CORO7: variants seen among roughly 807,000 people sequenced by gnomAD.
CORO7 encodes the protein coronin-7.
In CORO7, 107 loss-of-function variants were observed where a neutral mutation model predicts 126.6. The observed-to-expected ratio is 0.85, with a 90% CI of 0.72 to 0.99. The LOEUF is 0.99. CORO7 is among the 50% of genes least tolerant of loss of function. The pLI, the probability that CORO7 is intolerant of heterozygous loss-of-function variation, is 0.00. For missense variants in CORO7, 1,314 were observed against 1,255.8 expected, an observed-to-expected ratio of 1.05 and a Z score of -0.70; for synonymous variants, 603 against 536.8, an observed-to-expected ratio of 1.12 and a Z score of -1.70.
intron 27 of CORO7, 57 bp downstream of exon 27, chr16:4,355,229 G>T: frequency 6.2e-7 from 1 of 1,604,304 alleles, no homozygotes; most frequent in South Asian, 1.1e-5. Context: ...GGCATGCACC[G>T]TGGCATGTGC....
At chr16:4,359,432 T>TC (rs762215165) in intron 22 of CORO7, 47 bp from the exon 23 acceptor site, 2 of 1,612,988 alleles carry the variant, frequency 1.2e-6, no homozygotes, top group Non-Finnish European at 1.7e-6. Flanking sequence ...ACACTGGCCT[T>TC]CCCCCCACCA....
chr16:4,413,443 G>A (rs1350975854), intron 1 of CORO7, 39 bp from the exon 2 acceptor site: 5 of 1,543,456 alleles, frequency 3.2e-6, no homozygotes, highest in Non-Finnish European at 3.5e-6. Context: ...GTGAGAGCCA[G>A]GGTTCCACCT....
chr16:4,407,234 C>G (rs1469561445), intron 5 of CORO7, among the ~76,000 whole-genome samples: 1 of 151,086 alleles, frequency 6.6e-6, no homozygotes, highest in Non-Finnish European at 1.5e-5. Flanking sequence ...AGGCATGAGC[C>G]ACCGCGCCCG....
intron 7 of CORO7, among the ~76,000 whole-genome samples, chr16:4,393,436 G>A (rs1280361295): frequency 6.6e-6 from 1 of 152,228 alleles, no homozygotes; most frequent in African/African-American, 2.4e-5. Flanking sequence ...CGACCAGGGT[G>A]TGGCCAAAAC....
At chr16:4,365,649 G>A (rs868740594) in intron 9 of CORO7, 104 bp from the exon 10 acceptor site, 47 of 1,452,562 alleles carry the variant, frequency 3.2e-5, no homozygotes, top group Middle Eastern at 2.3e-4. Flanking sequence ...ACTGGGAGCC[G>A]CTTGGCCATC....
intron 16 of CORO7, 45 bp downstream of exon 16, chr16:4,361,940 C>T (rs760816495): frequency 6.4e-6 from 10 of 1,565,296 alleles, no homozygotes; most frequent in Admixed American, 5.7e-5. Flanking sequence ...GTCTTTGCCA[C>T]AGGCAGGGAA....
chr16:4,361,009 G>A lies in CORO7; in HGVS notation c.1851C>T (p.Leu617=). 1 of 1,613,250 alleles carries A rather than the reference G, an allele frequency of 6.2e-7. No homozygotes were observed. Among genetic ancestry groups the A allele is most frequent in the African/African-American group, 1.3e-5 (1 of 75,052 alleles). ...ANVLASSSYD[L]TVRIWDLQAG... is the part of the protein sequence containing the mutation. ...CCTGAAGGTCCCAGATGCGAACAGTGAGGTCATAGGAGGACGAGGCCAGCA... is the reference window on the plus strand; with the variant it reads ...CCTGAAGGTCCCAGATGCGAACAGTAAGGTCATAGGAGGACGAGGCCAGCA... The change falls in exon 19 of 28, where the codon CTC becomes CTT. Residue 617 remains leucine, a synonymous_variant. Coordinates refer to ENST00000251166, the MANE Select transcript of CORO7 (RefSeq NM_024535.5).
intron 6 of CORO7, 110 bp from the exon 7 acceptor site, chr16:4,395,449 G>T: frequency 7.0e-7 from 1 of 1,421,340 alleles, no homozygotes; most frequent in Non-Finnish European, 9.7e-7. Context: ...CCCATCCCCA[G>T]CACGCAGGGC....
At chr16:4,383,585 C>T (rs1162336738) in intron 9 of CORO7, 2 of 136,072 alleles carry the variant, frequency 1.5e-5, no homozygotes, top group Non-Finnish European at 3.5e-5. Flanking sequence ...GAAGGAGTGG[C>T]CCTCGCTCTG....
chr16:4,378,522 C>T (rs951054804), intron 9 of CORO7, among the ~76,000 whole-genome samples: 2 of 152,178 alleles, frequency 1.3e-5, no homozygotes, highest in Non-Finnish European at 2.9e-5. Flanking sequence ...GGCCAGGCCG[C>T]ACCCGCCGTC....
intron 9 of CORO7, chr16:4,382,939 C>T: frequency 6.9e-7 from 1 of 1,456,020 alleles, no homozygotes; most frequent in Non-Finnish European, 9.1e-7. Context: ...GGCTCTCAGC[C>T]AGTGAGATGG....
chr16:4,382,894 A>G (rs1411696341), intron 9 of CORO7: 4 of 1,516,750 alleles, frequency 2.6e-6, no homozygotes, highest in Non-Finnish European at 2.6e-6. Context: ...AAAGCCCTAC[A>G]TCTAAGCCAG....
At position 4,383,801 on chromosome 16, in the gene CORO7, G is replaced by A. The variant is rs1055768252; in HGVS notation, c.785+4185C>T. Among the ~76,000 whole-genome samples the A allele has an allele frequency of 5.3e-5, 8 of 152,362 alleles. No homozygotes were observed. In the South Asian group the frequency reaches 1.0e-3, roughly 20 times the overall value. ...CCAGCAGGGGCTCTGGCCCATGTGC[G>A]GCTGGGAGAGGCTTGTGGCACATGT... On this transcript the variant is annotated intron_variant, in intron 9 of 27. Transcript: ENST00000251166.
intron 9 of CORO7, among the ~76,000 whole-genome samples, chr16:4,375,654 A>AT (rs1433240034): frequency 6.6e-6 from 1 of 152,052 alleles, no homozygotes; most frequent in African/African-American, 2.4e-5. Flanking sequence ...GGCCTGGCTA[A>AT]TTTTTTTGTA....
At chr16:4,375,841 T>A (rs1352367208) in intron 9 of CORO7, among the ~76,000 whole-genome samples, 5 of 152,194 alleles carry the variant, frequency 3.3e-5, no homozygotes, top group Non-Finnish European at 7.4e-5. Flanking sequence ...AGGTTTTTTT[T>A]AGAAAGCTTC....
chr16:4,397,848 C>G (rs987450768), intron 6 of CORO7, among the ~76,000 whole-genome samples: 2 of 152,172 alleles, frequency 1.3e-5, no homozygotes, highest in Non-Finnish European at 2.9e-5. Context: ...TTCCTGACCT[C>G]AGGTAATCTG....
Position 4,357,108 on chromosome 16 carries a change from C to T in CORO7, c.2685+60G>A, listed in dbSNP as rs555102045. On this transcript the variant is annotated intron_variant, in intron 26 of 27. Transcript: ENST00000251166. ...GGTTGGGGATGGAGAACTAAGGGGC[C>T]GTGGCCAGGTGCAGCCAGGACTCTG... 161 of 1,603,798 alleles carry T rather than the reference C, an allele frequency of 1.0e-4. 1 individual carries two copies. The highest frequency in any genetic ancestry group is 7.2e-4 in the East Asian group (32 of 44,694).
chr16:4,387,445 C>A (rs958081893), intron 9 of CORO7, among the ~76,000 whole-genome samples: 1 of 152,124 alleles, frequency 6.6e-6, no homozygotes, highest in South Asian at 2.1e-4. Context: ...TGGGGACATA[C>A]CTCAGGATAG....
chr16:4,408,113 C>T, intron 4 of CORO7, 68 bp downstream of exon 4: 1 of 1,610,296 alleles, frequency 6.2e-7, no homozygotes, highest in South Asian at 1.1e-5. Flanking sequence ...GGGGATGGCG[C>T]TGGGGCTCAG....
Sources: gnomAD v4.1 joint callset for allele counts (sites outside exome capture counted in the v4.1 genomes callset) on GRCh38, gnomAD v4.1.1 for gene constraint, MANE v1.5 for transcripts, NCBI Gene and HGNC (gene_info 2026-07-23, HGNC 2026-07-21) for gene names.